Variants in PDE5A observed in about 807,000 individuals in gnomAD.
PDE5A encodes cGMP-specific 3',5'-cyclic phosphodiesterase.
PDE5A carries 67 observed loss-of-function variants against 110.2 expected under a neutral mutation model. The ratio of observed to expected loss-of-function variants is 0.61; its 90% confidence interval spans 0.50 to 0.75. The LOEUF (loss-of-function observed/expected upper bound fraction) is 0.75. Ranked by LOEUF, PDE5A falls within the 30% of genes least tolerant of loss-of-function variation. PDE5A has a pLI of 0.00. For missense variants in PDE5A, 862 were observed against 1,045.1 expected (o/e 0.82, Z 2.42); for synonymous variants, 328 against 351.2 (o/e 0.93, Z 0.74).
intron 9 of PDE5A, among the ~76,000 whole-genome samples, chr4:119,546,069 C>T (rs1428291493): frequency 2.0e-5 from 3 of 152,000 alleles, no homozygotes; most frequent in Non-Finnish European, 4.4e-5. Flanking sequence ...TATATTTTCC[C>T]TAGTACTTTT....
Position 119,505,871 on chromosome 4 carries a change from G to C in PDE5A, c.2251C>G (p.Gln751Glu). Residue 751 changes from glutamine to glutamate, a missense_variant, in exon 17 of 21, where the codon CAA becomes GAA. By Grantham distance (29) the Gln-to-Glu change is conservative. Coordinates refer to ENST00000354960, the MANE Select transcript of PDE5A (RefSeq NM_001083.4). Reference protein sequence around the residue: ...KNQFNLEDPHQKELFLAMLMT... With the variant: ...KNQFNLEDPHEKELFLAMLMT... ...CCTACTTACAAAAACAACTCCTTTT[G>C]ATGAGGATCTTCCAAATTGAATTGA... is the stretch of plus-strand genomic sequence containing the variant. 1 of 1,566,544 alleles carries C rather than the reference G, an allele frequency of 6.4e-7. No homozygotes were observed. The highest frequency in any genetic ancestry group is 8.7e-7 in the Non-Finnish European group (1 of 1,154,654).
chr4:119,562,301 A>G (rs985175133), intron 6 of PDE5A, among the ~76,000 whole-genome samples: 17 of 152,248 alleles, frequency 1.1e-4, no homozygotes, highest in Non-Finnish European at 1.9e-4. Context: ...TCTACCAGTT[A>G]GAACAGCTTA....
Position 119,498,501 on chromosome 4 carries a change from T to C in PDE5A, c.*100A>G, listed in dbSNP as rs200563979. The C allele has an allele frequency of 7.5e-7, 1 of 1,341,074 alleles. No individual in the cohort carries two copies. Among genetic ancestry groups the C allele is most frequent in the African/African-American group, 1.5e-5 (1 of 68,646 alleles). 83.1% of individuals were successfully genotyped at this position (1,341,074 alleles called of 1,614,324 possible). The stretch of plus-strand genomic sequence containing the variant: ...ATAAAAATACAGCAGTGGCAAAGTA[T>C]ATACCAAATACAGACACTATACAGA... On this transcript the variant is annotated 3_prime_UTR_variant, in exon 21 of 21. Transcript: ENST00000354960.
At chr4:119,531,698 G>A (rs1359139567) in intron 11 of PDE5A, among the ~76,000 whole-genome samples, 1 of 152,052 alleles carries the variant, frequency 6.6e-6, no homozygotes, top group African/African-American at 2.4e-5. Context: ...GAAAATTGAT[G>A]TTCCCTCCCC....
chr4:119,521,011 A>G lies in PDE5A; in HGVS notation c.1829T>C (p.Val610Ala). The G allele has an allele frequency of 6.2e-7, 1 of 1,613,054 alleles. No individual in the cohort carries two copies. Among genetic ancestry groups the G allele is most frequent in the Non-Finnish European group, 8.5e-7 (1 of 1,179,176 alleles). ...LSVKKNYRKN[V>A]AYHNWRHAFN... ...GGCATGTCTCCAATTATGATAGGCA[A>G]CATTCTTCCGATAATTCTTCTTAAC... Residue 610 changes from valine (V) to alanine (A), a missense_variant, in exon 13 of 21, where the codon GTT becomes GCT. Physicochemically the swap from Val to Ala is moderately conservative, Grantham distance 64 (BLOSUM62 0). Transcript: ENST00000354960.
chr4:119,611,961 C>T (rs981430449), intron 1 of PDE5A, among the ~76,000 whole-genome samples: 1 of 152,192 alleles, frequency 6.6e-6, no homozygotes, highest in African/African-American at 2.4e-5. Context: ...ATGAAGTGGG[C>T]CTTTGCCCTT....
At chr4:119,524,610 C>T (rs1726243017) in intron 12 of PDE5A, among the ~76,000 whole-genome samples, 1 of 152,116 alleles carries the variant, frequency 6.6e-6, no homozygotes, top group African/African-American at 2.4e-5. Context: ...CCTTTGAGAG[C>T]AGGGACAACT....
At position 119,606,810 on chromosome 4, in the gene PDE5A, C is replaced by A; in HGVS notation, c.640G>T (p.Glu214Ter). ...LFDVAEGSTL[E>*]EVSNNCIRLE... ...CGGATACAGTTATTTGAAACTTCTT[C>A]CAGTGTTGAACCTTCAGCAACATCA... Residue 214 changes from glutamate (E) to a stop codon, truncating the protein, a stop_gained, in exon 2 of 21, where the codon GAA becomes TAA. Transcript: ENST00000354960. LOFTEE classifies it high-confidence loss of function. 7 of 1,614,176 alleles carry A rather than the reference C, an allele frequency of 4.3e-6. No homozygotes were observed. Among genetic ancestry groups the A allele is most frequent in the Non-Finnish European group, 5.9e-6 (7 of 1,180,038 alleles).
At chr4:119,593,454 T>G (rs1729049547) in intron 3 of PDE5A, among the ~76,000 whole-genome samples, 1 of 152,174 alleles carries the variant, frequency 6.6e-6, no homozygotes, top group South Asian at 2.1e-4. Flanking sequence ...TCACACCCAT[T>G]AGGCTAAGTG....
intron 11 of PDE5A, chr4:119,538,638 T>C (rs952155746): frequency 7.9e-6 from 2 of 253,046 alleles, no homozygotes; most frequent in Non-Finnish European, 1.6e-5. Flanking sequence ...TATAAATTGT[T>C]TTGTTATTAC....
At chr4:119,538,745 A>G in intron 11 of PDE5A, 1 of 481,226 alleles carries the variant, frequency 2.1e-6, no homozygotes, top group South Asian at 2.8e-5. Context: ...GATTATAACA[A>G]TTACTGGAAA....
In PDE5A at chr4:119,548,040, G is replaced by A. The variant is rs985995367; in HGVS notation, c.1396+4510C>T. Among the ~76,000 whole-genome samples the A allele has an allele frequency of 3.4e-5, 4 of 118,676 alleles. No homozygotes were observed. In the East Asian group the frequency reaches 7.5e-4, roughly 22 times the overall value. The allele number at this position is 118,676 out of a possible 152,430, so 77.9% of individuals were successfully genotyped here. A position where few individuals can be genotyped will look rare whatever the true frequency, so the allele number is the denominator to read the frequency against. ...TGATGATCACTTTGTCCATTTCTCC[G>A]TGTATTTTTTTTTTTTTTTTTTTTT... On this transcript the variant is annotated intron_variant, in intron 9 of 20. Coordinates refer to ENST00000354960, the MANE Select transcript of PDE5A (RefSeq NM_001083.4).
chr4:119,576,727 A>G (rs1728365727), intron 3 of PDE5A, among the ~76,000 whole-genome samples: 1 of 152,214 alleles, frequency 6.6e-6, no homozygotes, highest in Non-Finnish European at 1.5e-5. Context: ...TGCCCACAAG[A>G]GGAAGCAGGA....
intron 2 of PDE5A, among the ~76,000 whole-genome samples, chr4:119,604,382 G>T (rs961592520): frequency 6.6e-6 from 1 of 152,154 alleles, no homozygotes; most frequent in Non-Finnish European, 1.5e-5. Flanking sequence ...TCTCAACAAA[G>T]CTAGAGAATA....
At chr4:119,628,040 C>G in intron 1 of PDE5A, 1 of 986,004 alleles carries the variant, frequency 1.0e-6, no homozygotes, top group South Asian at 4.7e-5. Flanking sequence ...CCCGTGGACT[C>G]GTCCCTCACC....
chr4:119,576,480 A>C (rs939669752), intron 3 of PDE5A, among the ~76,000 whole-genome samples: 76 of 152,328 alleles, frequency 5.0e-4, no homozygotes, highest in Admixed American at 7.8e-4. Flanking sequence ...AAATTATAAC[A>C]AACTGTCTCT....
chr4:119,571,209 T>G lies in PDE5A; in HGVS notation c.832-4065A>C, dbSNP rs1216674393. On this transcript the variant is annotated intron_variant, in intron 3 of 20. Transcript: ENST00000354960. ...TGAATCCTAAGGAATCATCAAGTTA[T>G]GGTAATATTCCATGTGGTAGGCAAA... 5.9e-5 allele frequency among the ~76,000 whole-genome samples: 9 copies of G among 152,340 alleles called. No homozygotes were observed. The East Asian group carries it at 1.7e-3, about 29-fold the overall frequency.
rs575930751 is a variant in PDE5A at position 119,621,201 on chromosome 4, T to A, written c.152+7319A>T. ...TAAAATAAAAGGAAGTCAACACTAGTTATGGTAGACATCTAGAACTTCTGG... is the reference window on the plus strand; with the variant it reads ...TAAAATAAAAGGAAGTCAACACTAGATATGGTAGACATCTAGAACTTCTGG... On this transcript the variant is annotated intron_variant, in intron 1 of 20. Coordinates refer to ENST00000354960, the MANE Select transcript of PDE5A (RefSeq NM_001083.4). Among the ~76,000 whole-genome samples the A allele has an allele frequency of 1.6e-4, 24 of 152,358 alleles. No homozygotes were observed. The East Asian group carries it at 2.5e-3, about 16-fold the overall frequency.
rs542982815 is a variant in PDE5A, at chr4:119,608,345, A to T, written c.153-1048T>A. ...AGCCATCACAGTAGGTGACTTTTTA[A>T]AACAAACATACCAGATCATACACAA... On this transcript the variant is annotated intron_variant, in intron 1 of 20. Transcript: ENST00000354960. 3.3e-5 allele frequency among the ~76,000 whole-genome samples: 5 copies of T among 152,328 alleles called. No individual in the cohort carries two copies. The East Asian group carries it at 9.6e-4, about 29-fold the overall frequency.
Sources: allele counts gnomAD v4.1 joint callset (sites outside exome capture counted in the v4.1 genomes callset), GRCh38; gene constraint gnomAD v4.1.1; transcripts MANE v1.5; gene names NCBI Gene and HGNC (gene_info 2026-07-23, HGNC 2026-07-21).